SOX6: variants seen among roughly 807,000 people sequenced by gnomAD.
SOX6 encodes the protein transcription factor SOX-6.
SOX6 carries 11 observed loss-of-function variants against 97.8 expected under a neutral mutation model. That is an observed-to-expected ratio of 0.11 (90% confidence interval 0.07 to 0.19). SOX6 has a LOEUF of 0.19. SOX6 is among the 10% of genes least tolerant of loss of function. The pLI is 1.00. For missense variants in SOX6, 810 were observed against 1,039.5 expected, an observed-to-expected ratio of 0.78 and a Z score of 3.04; for synonymous variants, 360 against 371.4, an observed-to-expected ratio of 0.97 and a Z score of 0.35.
intron 3 of SOX6, among the ~76,000 whole-genome samples, chr11:16,647,764 G>A (rs1849035171): frequency 6.6e-6 from 1 of 152,096 alleles, no homozygotes; most frequent in South Asian, 2.1e-4. Flanking sequence ...ACAGGAGAAG[G>A]ACTTAACCTT....
At chr11:16,699,096 C>T (rs1020841609) in intron 3 of SOX6, among the ~76,000 whole-genome samples, 1 of 152,086 alleles carries the variant, frequency 6.6e-6, no homozygotes, top group East Asian at 1.9e-4. Context: ...ATGAGGTATG[C>T]CTGTATGTTC....
chr11:16,528,107 C>T (rs893631196), intron 4 of SOX6, among the ~76,000 whole-genome samples: 6 of 152,166 alleles, frequency 3.9e-5, no homozygotes, highest in Admixed American at 6.6e-5. Context: ...GTACATCCCA[C>T]GTATGAAACA....
At chr11:16,004,420 C>T (rs1307349464) in intron 13 of SOX6, among the ~76,000 whole-genome samples, 1 of 151,942 alleles carries the variant, frequency 6.6e-6, no homozygotes, top group Non-Finnish European at 1.5e-5. Context: ...TAACTGGCCT[C>T]TCTTCATTTC....
Position 16,045,331 on chromosome 11 carries a change from C to T in SOX6, c.1623+1183G>A, listed in dbSNP as rs538083979. ...TAGATGAGGTTATGAGGGTAGAGCC[C>T]CCATGATCAGATTAGTACCCTTCTA... is the stretch of plus-strand genomic sequence containing the variant. On this transcript the variant is annotated intron_variant, in intron 12 of 15. Coordinates refer to ENST00000683767, the MANE Select transcript of SOX6 (RefSeq NM_001367873.1). Among the ~76,000 whole-genome samples, 4 of 152,132 alleles carry T rather than the reference C, an allele frequency of 2.6e-5. No individual in the cohort carries two copies. In the East Asian group the frequency reaches 7.8e-4, roughly 30 times the overall value.
rs567624197 is a variant in SOX6 at position 16,693,395 on chromosome 11, C to A, written n.429+21435G>T. Among the ~76,000 whole-genome samples, 271 of 152,104 alleles carry A rather than the reference C, an allele frequency of 1.8e-3. 2 individuals carry two copies. The highest frequency in any genetic ancestry group is 5.7e-3 in the African/African-American group (236 of 41,550). ...AATTTTCATGTTTATTCACTATATA[C>A]AATCTTTTTGTGTGTGATTCTTCTA... On this transcript the variant is annotated intron_variant and non_coding_transcript_variant, in intron 3 of 5. Coordinates refer to the SOX6 transcript ENST00000524520.
At chr11:16,199,651 T>C (rs1489295804) in intron 4 of SOX6, among the ~76,000 whole-genome samples, 1 of 152,240 alleles carries the variant, frequency 6.6e-6, no homozygotes, top group Non-Finnish European at 1.5e-5. Flanking sequence ...GATACAGTGA[T>C]ATTAAAAGGC....
rs1300892416 is a variant in SOX6 at position 16,610,768 on chromosome 11, C to T, written n.609+1313G>A. On this transcript the variant is annotated intron_variant and non_coding_transcript_variant, in intron 4 of 5. Transcript: ENST00000524520. The surrounding 1 kb of genome is among the most constrained non-coding windows in gnomAD (Gnocchi z 4.4). ...TAAGGGTTTCCTCTAAAGCCTCGGGCGCTGGCTATACCAATGAAGAGGGAG... is the reference window on the plus strand; with the variant it reads ...TAAGGGTTTCCTCTAAAGCCTCGGGTGCTGGCTATACCAATGAAGAGGGAG... Among the ~76,000 whole-genome samples the T allele has an allele frequency of 1.3e-5, 2 of 152,118 alleles. No individual in the cohort carries two copies. The highest frequency in any genetic ancestry group is 1.5e-5 in the Non-Finnish European group (1 of 68,026).
intron 3 of SOX6, among the ~76,000 whole-genome samples, chr11:16,265,454 T>C (rs1447274068): frequency 1.3e-5 from 2 of 151,774 alleles, no homozygotes; most frequent in Non-Finnish European, 2.9e-5. Flanking sequence ...AGGATCAAAC[T>C]GTTTCCAAGA....
intron 1 of SOX6, among the ~76,000 whole-genome samples, chr11:16,432,410 GA>G (rs1254943914): frequency 6.6e-6 from 1 of 152,020 alleles, no homozygotes; most frequent in African/African-American, 2.4e-5. Flanking sequence ...GAATGATACT[GA>G]AATAATGTAT....
At chr11:16,473,760 C>T (rs1860186217) in intron 1 of SOX6, among the ~76,000 whole-genome samples, 1 of 152,104 alleles carries the variant, frequency 6.6e-6, no homozygotes, top group Admixed American at 6.5e-5. Flanking sequence ...CCATGTTGGC[C>T]AGGCTGGCCT....
intron 3 of SOX6, among the ~76,000 whole-genome samples, chr11:16,671,410 T>C (rs72861294): frequency 0.033 from 4,984 of 152,276 alleles, 106 homozygotes; most frequent in Non-Finnish European, 0.052. Flanking sequence ...AATAAAGTGA[T>C]ACAGGAGCTG....
At chr11:16,385,399 T>C (rs185543769) in intron 1 of SOX6, among the ~76,000 whole-genome samples, 19 of 152,186 alleles carry the variant, frequency 1.2e-4, no homozygotes, top group Middle Eastern at 6.8e-3. Flanking sequence ...TATTTTATAA[T>C]AAAAAGAGGG....
At chr11:16,074,204 C>T (rs2133946128) in intron 9 of SOX6, among the ~76,000 whole-genome samples, 1 of 151,992 alleles carries the variant, frequency 6.6e-6, no homozygotes, top group Middle Eastern at 3.4e-3. Context: ...AGACCACTAG[C>T]TAGATTAATA....
intron 2 of SOX6, among the ~76,000 whole-genome samples, chr11:16,715,831 T>G (rs1848215994): frequency 6.6e-6 from 1 of 152,008 alleles, no homozygotes; most frequent in Non-Finnish European, 1.5e-5. Flanking sequence ...GGAACAAAAA[T>G]TAGCAAAAAA....
rs1268920100 is a variant in SOX6 at position 16,283,156 on chromosome 11, T to C, written c.445+35290A>G. ...AAAGCCAAATATAAAAATGAAAACA[T>C]TTATTTTGGTGCCACCCAGTTCATA... On this transcript the variant is annotated intron_variant, in intron 3 of 15. Coordinates refer to ENST00000683767, the MANE Select transcript of SOX6 (RefSeq NM_001367873.1). 5.6e-5 allele frequency among the ~76,000 whole-genome samples: 8 copies of C among 142,480 alleles called. No homozygotes were observed. The East Asian group carries it at 1.6e-3, about 29-fold the overall frequency. The allele number at this position is 142,480 out of a possible 152,430, so 93.5% of individuals were successfully genotyped here.
intron 3 of SOX6, among the ~76,000 whole-genome samples, chr11:16,711,752 G>A (rs1203508874): frequency 6.6e-6 from 1 of 151,840 alleles, no homozygotes; most frequent in East Asian, 1.9e-4. Flanking sequence ...TTGGGGTACA[G>A]GTGGTATTTG....
chr11:16,149,003 T>G (rs1483897846), intron 6 of SOX6, among the ~76,000 whole-genome samples: 1 of 152,198 alleles, frequency 6.6e-6, no homozygotes, highest in Non-Finnish European at 1.5e-5. Context: ...TTCTTCTTCC[T>G]TCAAGACTTC....
At chr11:16,366,004 A>G (rs1857349603) in intron 1 of SOX6, among the ~76,000 whole-genome samples, 1 of 152,150 alleles carries the variant, frequency 6.6e-6, no homozygotes, top group Non-Finnish European at 1.5e-5. Context: ...TTTACACTTT[A>G]GCCCAAAGGG....
At chr11:16,578,876 G>C (rs995250180) in intron 4 of SOX6, among the ~76,000 whole-genome samples, 1 of 152,066 alleles carries the variant, frequency 6.6e-6, no homozygotes, top group South Asian at 2.1e-4. Flanking sequence ...CCAATTGAAA[G>C]GGAAAGTTTG....
Sources: allele counts gnomAD v4.1 joint callset (sites outside exome capture counted in the v4.1 genomes callset), GRCh38; gene constraint gnomAD v4.1.1; non-coding constraint Gnocchi (gnomAD v3.1); transcripts MANE v1.5; gene names NCBI Gene and HGNC (gene_info 2026-07-23, HGNC 2026-07-21).